Variants in KDM6A observed in about 807,000 individuals in gnomAD.
KDM6A encodes lysine-specific demethylase 6A.
In KDM6A, 11 loss-of-function variants were observed where a neutral mutation model predicts 117.6. The observed-to-expected ratio is 0.09, with a 90% CI of 0.06 to 0.15. KDM6A has a LOEUF of 0.15. Ranked by LOEUF, KDM6A falls within the 10% of genes least tolerant of loss-of-function variation. The pLI is 1.00. For missense variants in KDM6A, 799 were observed against 1,077.3 expected (o/e 0.74, Z 3.62); for synonymous variants, 384 against 396.1 (o/e 0.97, Z 0.36).
chrX:44,922,027 CCTTTTTTTTTTTT>C (rs780434619), intron 2 of KDM6A, among the ~76,000 whole-genome samples: 2,818 of 37,652 alleles, frequency 0.075, 452 homozygotes, highest in Non-Finnish European at 0.095. Context: ...ATTGTGTGTG[CCTTTTTTTTTTTT>C]TTTTTTTTTT....
At chrX:45,060,246 A>G in intron 13 of KDM6A, 90 bp downstream of exon 13, 1 of 1,161,983 alleles carries the variant, frequency 8.6e-7, no homozygotes, top group South Asian at 1.9e-5. Flanking sequence ...TAAGCACAGG[A>G]GGCTTTTAGT....
intron 2 of KDM6A, among the ~76,000 whole-genome samples, chrX:44,890,642 CTTT>C (rs761568154): frequency 8.6e-5 from 3 of 34,765 alleles, no homozygotes; most frequent in Middle Eastern, 0.03. Context: ...TGATGTTGAA[CTTT>C]TTTTTTTTTT....
chrX:44,916,021 A>T (rs1359000320), intron 2 of KDM6A, among the ~76,000 whole-genome samples: 1 of 111,628 alleles, frequency 9.0e-6, no homozygotes, highest in Admixed American at 9.6e-5. Context: ...CATAACTTTT[A>T]TCGTAATTTA....
intron 4 of KDM6A, among the ~76,000 whole-genome samples, chrX:44,999,745 G>A (rs1173355372): frequency 9.0e-6 from 1 of 111,231 alleles, no homozygotes; most frequent in Non-Finnish European, 1.9e-5. Flanking sequence ...TTTTCCAAAA[G>A]AAGATGCTTC....
At chrX:45,099,853 TGAA>T (rs2046270960) in intron 27 of KDM6A, among the ~76,000 whole-genome samples, 1 of 111,130 alleles carries the variant, frequency 9.0e-6, no homozygotes, top group Non-Finnish European at 1.9e-5. Flanking sequence ...GCTGACATGG[TGAA>T]ACCCCGTCTC....
At chrX:44,989,070 A>G (rs1384394286) in intron 4 of KDM6A, among the ~76,000 whole-genome samples, 1 of 107,544 alleles carries the variant, frequency 9.3e-6, no homozygotes, top group African/African-American at 3.4e-5. Flanking sequence ...TTGAGCTTCC[A>G]GGTGGCTTTG....
chrX:44,952,363 CT>C (rs975872886), intron 2 of KDM6A, among the ~76,000 whole-genome samples: 1 of 107,254 alleles, frequency 9.3e-6, no homozygotes, highest in Non-Finnish European at 1.9e-5. Context: ...CCTCCGCTTC[CT>C]AGGTTCGAGC....
chrX:44,915,056 T>C (rs2035465640), intron 2 of KDM6A, among the ~76,000 whole-genome samples: 1 of 111,847 alleles, frequency 8.9e-6, no homozygotes, highest in Non-Finnish European at 1.9e-5. Flanking sequence ...TTTAGTCAGT[T>C]GTACATTGTG....
intron 2 of KDM6A, among the ~76,000 whole-genome samples, chrX:44,880,492 TAAA>T (rs1394136379): frequency 1.9e-5 from 2 of 106,872 alleles, no homozygotes; most frequent in Non-Finnish European, 1.9e-5. Context: ...TATATTACCT[TAAA>T]AATAATACAA....
chrX:45,047,513 C>T (rs2043598395), intron 8 of KDM6A, among the ~76,000 whole-genome samples: 1 of 105,358 alleles, frequency 9.5e-6, no homozygotes, highest in African/African-American at 3.4e-5. Flanking sequence ...GCTATTCAAT[C>T]CATATAGTGA....
chrX:45,110,955 G>A (rs753415062), intron 29 of KDM6A, among the ~76,000 whole-genome samples: 3 of 111,977 alleles, frequency 2.7e-5, no homozygotes, highest in East Asian at 5.6e-4. Context: ...CACTTGAATG[G>A]TCTTCAAGAT....
chrX:45,084,932 G>A (rs138758627), intron 24 of KDM6A, among the ~76,000 whole-genome samples: 4,288 of 111,745 alleles, frequency 0.038, 221 homozygotes, highest in African/African-American at 0.13. Context: ...TTCAGATCCA[G>A]GCATGAGGGT....
chrX:45,005,995 A>C (rs866783738), intron 4 of KDM6A, among the ~76,000 whole-genome samples: 2,447 of 19,170 alleles, frequency 0.13, 133 homozygotes, highest in African/African-American at 0.26. Flanking sequence ...ACCACCCACC[A>C]CCCACCACCC....
intron 9 of KDM6A, among the ~76,000 whole-genome samples, chrX:45,052,347 T>A (rs1329481846): frequency 8.9e-6 from 1 of 111,951 alleles, no homozygotes; most frequent in Non-Finnish European, 1.9e-5. Context: ...TCATGTTTCT[T>A]GTTTGTATTT....
intron 4 of KDM6A, among the ~76,000 whole-genome samples, chrX:44,988,228 A>G (rs7889307): frequency 0.22 from 24,451 of 111,168 alleles, 4,359 homozygotes; most frequent in African/African-American, 0.61. Context: ...CATTCGTCAC[A>G]TAGTTCTCGT....
intron 5 of KDM6A, among the ~76,000 whole-genome samples, chrX:45,012,358 GC>G (rs1445856356): frequency 9.2e-6 from 1 of 108,836 alleles, no homozygotes; most frequent in African/African-American, 3.4e-5. Flanking sequence ...CCGCCACCAT[GC>G]CTGGCTAATG....
intron 4 of KDM6A, among the ~76,000 whole-genome samples, chrX:44,996,781 T>A (rs2040880161): frequency 8.9e-6 from 1 of 111,904 alleles, no homozygotes; most frequent in African/African-American, 3.3e-5. Flanking sequence ...CTTTCCTAAT[T>A]AACTTACATA....
At chrX:44,975,315 TA>T (rs1216930056) in intron 4 of KDM6A, among the ~76,000 whole-genome samples, 2 of 110,878 alleles carry the variant, frequency 1.8e-5, no homozygotes, top group African/African-American at 6.6e-5. Flanking sequence ...TTTTTTTTTT[TA>T]AATCTGAATT....
intron 6 of KDM6A, among the ~76,000 whole-genome samples, chrX:45,030,216 A>G (rs1365060484): frequency 9.1e-6 from 1 of 109,526 alleles, no homozygotes; most frequent in East Asian, 2.9e-4. Context: ...ATGCACACAG[A>G]CATAAATCTG....
Sources: allele counts gnomAD v4.1 joint callset (sites outside exome capture counted in the v4.1 genomes callset), GRCh38; gene constraint gnomAD v4.1.1; transcripts MANE v1.5; gene names NCBI Gene and HGNC (gene_info 2026-07-23, HGNC 2026-07-21).